Variants in RELN observed in about 807,000 individuals in gnomAD.
The protein encoded by RELN is reelin.
Under a neutral mutation model 427.6 loss-of-function variants are expected in RELN, and 108 were observed. The ratio of observed to expected loss-of-function variants is 0.25; its 90% CI spans 0.22 to 0.30. RELN has a LOEUF of 0.30. RELN is among the 10% of genes least tolerant of loss of function. RELN has a pLI of 1.00. For missense variants in RELN, 3,715 were observed against 4,302.8 expected (o/e 0.86, Z 3.82); for synonymous variants, 1,524 against 1,513.4 (o/e 1.01, Z -0.16).
intron 36 of RELN, among the ~76,000 whole-genome samples, chr7:103,560,097 A>AT (rs1584295413): frequency 6.6e-6 from 1 of 152,348 alleles, no homozygotes; most frequent in East Asian, 1.9e-4. Context: ...TGATATTTAT[A>AT]CAGCAGAACT....
intron 2 of RELN, among the ~76,000 whole-genome samples, chr7:103,888,483 C>T (rs1041085592): frequency 2.6e-5 from 4 of 152,140 alleles, no homozygotes; most frequent in African/African-American, 4.8e-5. Flanking sequence ...TATATTTCCT[C>T]GATGATAGTA....
intron 13 of RELN, 122 bp downstream of exon 13, chr7:103,653,971 A>T: frequency 1.4e-6 from 1 of 710,142 alleles, no homozygotes; most frequent in South Asian, 1.5e-5. Flanking sequence ...AAACCTGGCG[A>T]CCTCTGGCCT....
At chr7:103,787,264 C>A (rs1411605934) in intron 3 of RELN, among the ~76,000 whole-genome samples, 1 of 151,982 alleles carries the variant, frequency 6.6e-6, no homozygotes, top group Non-Finnish European at 1.5e-5. Flanking sequence ...CTAAAATCAG[C>A]ACCCTAACAC....
At chr7:103,897,795 G>A (rs944928786) in intron 2 of RELN, among the ~76,000 whole-genome samples, 4 of 151,930 alleles carry the variant, frequency 2.6e-5, no homozygotes, top group African/African-American at 9.7e-5. Flanking sequence ...CAAAATCCTA[G>A]TGAAACTCCA....
intron 20 of RELN, among the ~76,000 whole-genome samples, chr7:103,616,976 A>G (rs4729925): frequency 0.02 from 3,054 of 152,324 alleles, 89 homozygotes; most frequent in Admixed American, 0.093. Context: ...CTTATTGTCA[A>G]GCTGCCCTCC....
chr7:103,585,135 T>C (rs1032362250), intron 28 of RELN, among the ~76,000 whole-genome samples: 3 of 151,862 alleles, frequency 2.0e-5, no homozygotes, highest in Non-Finnish European at 4.4e-5. Context: ...CAACTTAACA[T>C]TGCACCTCAA....
intron 40 of RELN, among the ~76,000 whole-genome samples, chr7:103,552,118 C>G (rs1241478258): frequency 6.6e-6 from 1 of 152,212 alleles, no homozygotes; most frequent in Non-Finnish European, 1.5e-5. Flanking sequence ...TTCTCCTCCC[C>G]ACCCTGGTAT....
chr7:103,643,939 T>C (rs2117370527), intron 16 of RELN, among the ~76,000 whole-genome samples: 1 of 152,054 alleles, frequency 6.6e-6, no homozygotes, highest in South Asian at 2.1e-4. Context: ...TTGAAAATTA[T>C]TGCCTCTTCA....
At chr7:103,683,716 G>A (rs998217993) in intron 10 of RELN, among the ~76,000 whole-genome samples, 1 of 152,180 alleles carries the variant, frequency 6.6e-6, no homozygotes, top group Non-Finnish European at 1.5e-5. Flanking sequence ...ACTTTTGGGT[G>A]TGGAGGGAAG....
intron 28 of RELN, among the ~76,000 whole-genome samples, chr7:103,580,364 G>T (rs539726705): frequency 6.6e-6 from 1 of 152,270 alleles, no homozygotes; most frequent in South Asian, 2.1e-4. Context: ...AAGCTGGATG[G>T]TATCCAAATT....
chr7:103,870,986 C>T (rs543267317), intron 2 of RELN, among the ~76,000 whole-genome samples: 2 of 152,252 alleles, frequency 1.3e-5, no homozygotes, highest in South Asian at 2.1e-4. Context: ...CTGCTCACTG[C>T]TCTGCAGTTA....
chr7:103,928,955 T>A (rs7782669), intron 1 of RELN, among the ~76,000 whole-genome samples: 3 of 152,022 alleles, frequency 2.0e-5, no homozygotes, highest in Non-Finnish European at 4.4e-5. Context: ...GTTTAAAGAA[T>A]ATTTAGCCAA....
chr7:103,720,030 A>G (rs1166274435), intron 8 of RELN, among the ~76,000 whole-genome samples: 4 of 152,064 alleles, frequency 2.6e-5, no homozygotes, highest in African/African-American at 7.2e-5. Flanking sequence ...TTATGTATAT[A>G]TATGTATGTG....
chr7:103,903,406 G>A (rs1795125234), intron 2 of RELN, among the ~76,000 whole-genome samples: 1 of 151,954 alleles, frequency 6.6e-6, no homozygotes, highest in South Asian at 2.1e-4. Context: ...TTTGGCACAT[G>A]AGAAAGTATC....
intron 50 of RELN, chr7:103,513,786 A>C (rs1199323721): frequency 6.6e-6 from 1 of 152,126 alleles, no homozygotes; most frequent in Admixed American, 6.5e-5. Context: ...AAAAGAAGCT[A>C]TGAAATATAT....
At chr7:103,673,344 A>T (rs1330903519) in intron 11 of RELN, among the ~76,000 whole-genome samples, 1 of 152,068 alleles carries the variant, frequency 6.6e-6, no homozygotes, top group Non-Finnish European at 1.5e-5. Context: ...TTAAGAGTTA[A>T]CCAAGATCTA....
In RELN at chr7:103,808,871, G is replaced by T. The variant is rs958634574; in HGVS notation, c.473+24666C>A. On this transcript the variant is annotated intron_variant, in intron 3 of 64. Coordinates refer to ENST00000428762, the MANE Select transcript of RELN (RefSeq NM_005045.4). ...GAAAAGAGAAAACTGAAACAGAAAC[G>T]GGGTTAATCCTCAATGACATAAAGC... is the stretch of plus-strand genomic sequence containing the variant. Among the ~76,000 whole-genome samples the T allele has an allele frequency of 3.3e-5, 5 of 152,048 alleles. No individual in the cohort carries two copies. In the South Asian group the frequency reaches 1.0e-3, roughly 32 times the overall value.
intron 6 of RELN, among the ~76,000 whole-genome samples, chr7:103,730,672 T>C (rs1232829947): frequency 6.6e-6 from 1 of 152,148 alleles, no homozygotes; most frequent in Non-Finnish European, 1.5e-5. Context: ...TATCAGATAT[T>C]ACCCACTGTG....
chr7:103,619,818 C>G (rs1005369809), intron 20 of RELN, among the ~76,000 whole-genome samples: 1 of 152,044 alleles, frequency 6.6e-6, no homozygotes, highest in Non-Finnish European at 1.5e-5. Flanking sequence ...ATCCTCACAG[C>G]TCTTGTGGTG....
Sources: gnomAD v4.1 joint callset for allele counts (sites outside exome capture counted in the v4.1 genomes callset) on GRCh38, gnomAD v4.1.1 for gene constraint, MANE v1.5 for transcripts, NCBI Gene and HGNC (gene_info 2026-07-23, HGNC 2026-07-21) for gene names.